Variants in NDUFAF2 observed in about 807,000 individuals in gnomAD.
NDUFAF2 encodes the protein NADH dehydrogenase [ubiquinone] 1 alpha subcomplex assembly factor 2.
NDUFAF2 carries 13 observed loss-of-function variants against 22.8 expected under a neutral mutation model. That is an observed-to-expected ratio of 0.57 (90% CI 0.37 to 0.91). The LOEUF (loss-of-function observed/expected upper bound fraction) is 0.91, where lower values mean the gene tolerates loss of function less well. Ranked by LOEUF, NDUFAF2 falls within the 40% of genes least tolerant of loss-of-function variation. The pLI is 0.01. For synonymous variants in NDUFAF2, 53 were observed against 64.2 expected, an observed-to-expected ratio of 0.83 and a Z score of 0.84; for missense variants, 162 against 195.2, an observed-to-expected ratio of 0.83 and a Z score of 1.01.
chr5:61,040,280 ACACACACG>A lies in NDUFAF2; in HGVS notation c.128-32843_128-32836del, dbSNP rs1379292194. Among the ~76,000 whole-genome samples the A allele has an allele frequency of 1.6e-3, 185 of 114,694 alleles. 1 individual carries two copies. The highest frequency in any genetic ancestry group is 5.0e-3 in the African/African-American group (168 of 33,578). 75.2% of individuals were successfully genotyped at this position (114,694 alleles called of 152,430 possible). A position where few individuals can be genotyped will look rare whatever the true frequency, so the allele number is the denominator to read the frequency against. On this transcript the variant is annotated intron_variant, in intron 1 of 3. Coordinates refer to ENST00000296597, the MANE Select transcript of NDUFAF2 (RefSeq NM_174889.5). ...CACACACACACACACACACACACAC[ACACACACG>A]CGCGCGCGCGCGCGAAAGTTGAAAG...
intron 1 of NDUFAF2, among the ~76,000 whole-genome samples, chr5:60,974,769 G>A (rs756578099): frequency 6.6e-6 from 1 of 152,154 alleles, no homozygotes; most frequent in Non-Finnish European, 1.5e-5. Flanking sequence ...ACAAGAGCCA[G>A]TAGGATAGCT....
chr5:61,070,209 C>T (rs1033510491), intron 1 of NDUFAF2, among the ~76,000 whole-genome samples: 1 of 152,090 alleles, frequency 6.6e-6, no homozygotes, highest in Non-Finnish European at 1.5e-5. Flanking sequence ...CTTAAATTTG[C>T]TGTATTCACT....
chr5:61,114,508 C>T (rs994307165), intron 3 of NDUFAF2: 1 of 152,186 alleles, frequency 6.6e-6, no homozygotes, highest in African/African-American at 2.4e-5. Context: ...GGTCACATAT[C>T]TCTGTCTCTC....
chr5:61,110,699 G>A (rs1342030472), intron 3 of NDUFAF2, among the ~76,000 whole-genome samples: 1 of 151,518 alleles, frequency 6.6e-6, no homozygotes, highest in African/African-American at 2.4e-5. Context: ...TTGTATTTTG[G>A]TCTTCTGTCT....
In NDUFAF2 at chr5:60,970,631, C is replaced by T. The variant is rs543499628; in HGVS notation, c.127+25249C>T. On this transcript the variant is annotated intron_variant, in intron 1 of 3. Coordinates refer to ENST00000296597, the MANE Select transcript of NDUFAF2 (RefSeq NM_174889.5). Reference sequence around the variant, plus strand: ...GGTTATTCCAAATATAAGATCATATCCTCTGCAAACAAGAATAATTTGACG... The same window carrying T: ...GGTTATTCCAAATATAAGATCATATTCTCTGCAAACAAGAATAATTTGACG... 3.3e-5 allele frequency among the ~76,000 whole-genome samples: 5 copies of T among 152,172 alleles called. 1 individual carries two copies. The East Asian group carries it at 9.7e-4, about 29-fold the overall frequency.
chr5:60,969,920 C>G (rs926752615), intron 1 of NDUFAF2, among the ~76,000 whole-genome samples: 1 of 152,046 alleles, frequency 6.6e-6, no homozygotes, highest in African/African-American at 2.4e-5. Flanking sequence ...AGATAGGGGT[C>G]TAATTTCATT....
intron 3 of NDUFAF2, among the ~76,000 whole-genome samples, chr5:61,105,083 C>T (rs1055713704): frequency 2.0e-5 from 3 of 151,542 alleles, no homozygotes; most frequent in South Asian, 2.1e-4. Context: ...CTTTGCTTCT[C>T]GGTTCTGGTT....
At chr5:61,143,994 G>C (rs927230665) in intron 3 of NDUFAF2, among the ~76,000 whole-genome samples, 6 of 151,164 alleles carry the variant, frequency 4.0e-5, no homozygotes, top group African/African-American at 1.5e-4. Flanking sequence ...GTGTGTGTGT[G>C]TGTGTGTGTG....
At chr5:61,005,795 T>C (rs1229128629) in intron 1 of NDUFAF2, among the ~76,000 whole-genome samples, 1 of 152,188 alleles carries the variant, frequency 6.6e-6, no homozygotes, top group African/African-American at 2.4e-5. Flanking sequence ...GTTGTTTGAT[T>C]TTTTCTTGTA....
At chr5:61,033,205 G>C (rs370651814) in intron 1 of NDUFAF2, among the ~76,000 whole-genome samples, 1 of 152,068 alleles carries the variant, frequency 6.6e-6, no homozygotes, top group East Asian at 1.9e-4. Context: ...CTCTCTGTTT[G>C]TCTATTATTG....
intron 2 of NDUFAF2, among the ~76,000 whole-genome samples, chr5:61,080,894 A>T (rs1396328630): frequency 6.6e-6 from 1 of 151,926 alleles, no homozygotes; most frequent in Non-Finnish European, 1.5e-5. Flanking sequence ...TCTTTTATAT[A>T]TCATGGTTTC....
intron 1 of NDUFAF2, among the ~76,000 whole-genome samples, chr5:60,956,706 G>A (rs1224965849): frequency 1.3e-5 from 2 of 152,048 alleles, no homozygotes; most frequent in Non-Finnish European, 2.9e-5. Context: ...TAAAAGTTGT[G>A]AGCCAAGAAA....
At chr5:61,049,370 T>C (rs1263649661) in intron 1 of NDUFAF2, among the ~76,000 whole-genome samples, 2 of 152,150 alleles carry the variant, frequency 1.3e-5, no homozygotes, top group African/African-American at 4.8e-5. Context: ...ACACGGATTT[T>C]TACCCTCCGA....
intron 1 of NDUFAF2, among the ~76,000 whole-genome samples, chr5:61,020,547 A>ATGTGTGTGTGTG (rs68178917): frequency 2.7e-5 from 4 of 147,940 alleles, no homozygotes; most frequent in African/African-American, 5.0e-5. Context: ...GGGTTTTGTT[A>ATGTGTGTGTGTG]TGTGTGTGTG....
chr5:60,989,309 TA>T (rs1561535916), intron 1 of NDUFAF2, among the ~76,000 whole-genome samples: 1 of 152,152 alleles, frequency 6.6e-6, no homozygotes, highest in East Asian at 1.9e-4. Flanking sequence ...ACACTGCTGG[TA>T]GGAGTGTAAA....
chr5:61,131,028 G>A (rs1447256730), intron 3 of NDUFAF2, among the ~76,000 whole-genome samples: 2 of 152,100 alleles, frequency 1.3e-5, no homozygotes, highest in Non-Finnish European at 1.5e-5. Flanking sequence ...AACATAAGAA[G>A]TTTCTACTTT....
intron 3 of NDUFAF2, among the ~76,000 whole-genome samples, chr5:61,121,853 G>A (rs1219066411): frequency 1.3e-5 from 1 of 79,300 alleles, no homozygotes; most frequent in African/African-American, 4.2e-5. Flanking sequence ...TTTTTTTTTT[G>A]ACAGTCTTGC....
chr5:61,092,783 G>A (rs745971237), intron 2 of NDUFAF2, among the ~76,000 whole-genome samples: 3 of 152,086 alleles, frequency 2.0e-5, no homozygotes, highest in Non-Finnish European at 2.9e-5. Context: ...TCCTTGTCTT[G>A]TGCCACTTTT....
At chr5:61,106,019 C>T (rs1412643296) in intron 3 of NDUFAF2, among the ~76,000 whole-genome samples, 1 of 151,408 alleles carries the variant, frequency 6.6e-6, no homozygotes, top group Non-Finnish European at 1.5e-5. Context: ...GGAGTTTAAG[C>T]TCGCACTAAA....
Sources: gnomAD v4.1 joint callset for allele counts (sites outside exome capture counted in the v4.1 genomes callset) on GRCh38, gnomAD v4.1.1 for gene constraint, MANE v1.5 for transcripts, NCBI Gene and HGNC (gene_info 2026-07-23, HGNC 2026-07-21) for gene names.